The following TRPV3 variants were observed in gnomAD, a reference collection of about 807,000 sequenced individuals.
TRPV3 encodes VRL-3.
In TRPV3, 88 loss-of-function variants were observed where a neutral mutation model predicts 87.1. The ratio of observed to expected loss-of-function variants is 1.01; its 90% CI spans 0.85 to 1.21. The LOEUF is 1.21. Among genes scored for constraint, TRPV3 ranks in the 50% most tolerant of loss-of-function variants. TRPV3 has a pLI of 0.00. For missense variants in TRPV3, 1,054 were observed against 1,030.1 expected, an observed-to-expected ratio of 1.02 and a Z score of -0.32; for synonymous variants, 438 against 423.3, an observed-to-expected ratio of 1.03 and a Z score of -0.43.
intron 6 of TRPV3, among the ~76,000 whole-genome samples, chr17:3,537,120 TTTTG>T (rs1245532737): frequency 2.6e-5 from 4 of 152,284 alleles, no homozygotes; most frequent in Non-Finnish European, 4.4e-5. Flanking sequence ...GTTTTTGGTT[TTTTG>T]TTTGTTTGTT....
rs1437885805 is a variant in TRPV3 at position 3,542,520 on chromosome 17, A to ACCTT, written c.641_643+1dup. On this transcript the variant is annotated splice_donor_variant, in intron 6 of 17. Coordinates refer to ENST00000576742, the MANE Select transcript of TRPV3 (RefSeq NM_145068.4). LOFTEE classifies it high-confidence loss of function. ...TGCACAGCCCCTCTGCAGGCAGGAT[A>ACCTT]CCTTCATAGGCCTCCTCTGTGTACT... 6.2e-7 allele frequency: 1 copy of ACCTT among 1,612,800 alleles called. No homozygotes were observed. Among genetic ancestry groups the ACCTT allele is most frequent in the Non-Finnish European group, 8.5e-7 (1 of 1,179,338 alleles).
intron 13 of TRPV3, among the ~76,000 whole-genome samples, 189 bp from the exon 14 acceptor site, chr17:3,521,228 G>A (rs1344702892): frequency 6.7e-6 from 1 of 149,984 alleles, no homozygotes; most frequent in Non-Finnish European, 1.5e-5. Context: ...CCTCCAGGAA[G>A]CCTTCTGTTT....
At chr17:3,524,412 A>G in intron 12 of TRPV3, 49 bp from the exon 13 acceptor site, 1 of 1,603,666 alleles carries the variant, frequency 6.2e-7, no homozygotes, top group Non-Finnish European at 8.5e-7. Context: ...TCTCAGCATC[A>G]GGGCAAAGAT....
At chr17:3,526,529 G>A (rs1002118935) in intron 12 of TRPV3, among the ~76,000 whole-genome samples, 13 of 151,656 alleles carry the variant, frequency 8.6e-5, no homozygotes, top group Admixed American at 1.3e-4. Context: ...GCCTGTTGCC[G>A]CCTTCTCCAC....
At chr17:3,546,419 G>A (rs902043521) in intron 2 of TRPV3, among the ~76,000 whole-genome samples, 10 of 141,112 alleles carry the variant, frequency 7.1e-5, no homozygotes, top group African/African-American at 1.3e-4. Context: ...TCCAGTCTGG[G>A]CGACAGAGCG....
Position 3,530,997 on chromosome 17 carries a change from C to T in TRPV3, c.1066-794G>A, listed in dbSNP as rs2074344478. The stretch of plus-strand genomic sequence containing the variant: ...CTTGAACCTGGGAGGTGGAGGTTGC[C>T]GTGAGCCATGATTGCGCCACTGCAC... On this transcript the variant is annotated intron_variant, in intron 8 of 17. Coordinates refer to ENST00000576742, the MANE Select transcript of TRPV3 (RefSeq NM_145068.4). This position sits in a 1 kb window ranked among gnomAD's most constrained non-coding sequence, Gnocchi z 4.0. Among the ~76,000 whole-genome samples the T allele has an allele frequency of 6.6e-6, 1 of 151,304 alleles. No individual in the cohort carries two copies. The highest frequency in any genetic ancestry group is 2.1e-4 in the South Asian group (1 of 4,802).
chr17:3,533,066 T>A, intron 7 of TRPV3, 129 bp from the exon 8 acceptor site: 1 of 1,052,180 alleles, frequency 9.5e-7, no homozygotes, highest in South Asian at 1.6e-5. Context: ...CCTCTCCCCA[T>A]CTTCCGCTTC....
chr17:3,527,165 A>G (rs183838526), intron 11 of TRPV3, among the ~76,000 whole-genome samples: 3 of 151,734 alleles, frequency 2.0e-5, no homozygotes, highest in Admixed American at 2.0e-4. Flanking sequence ...CCCCATCCTC[A>G]CCCCAGAACC....
At chr17:3,514,067 CTTT>C in intron 17 of TRPV3, 56 bp from the exon 18 acceptor site, 4 of 1,418,150 alleles carry the variant, frequency 2.8e-6, no homozygotes, top group Non-Finnish European at 3.8e-6. Context: ...TAGTGTGTTT[CTTT>C]TTTCTTTTTC....
chr17:3,537,674 C>G (rs1052619777), intron 6 of TRPV3, among the ~76,000 whole-genome samples: 1 of 151,820 alleles, frequency 6.6e-6, no homozygotes, highest in East Asian at 1.9e-4. Flanking sequence ...GAAGCCGAGG[C>G]GGGTGGATCA....
chr17:3,513,898 C>G lies in TRPV3; in HGVS notation c.*19G>C. ...CAGCGCCAGACAGCGCACGCGCACA[C>G]CAGCTCTGGGTTCCGCTTCTACACC... is the stretch of plus-strand genomic sequence containing the variant. On this transcript the variant is annotated 3_prime_UTR_variant, in exon 18 of 18. Coordinates refer to ENST00000576742, the MANE Select transcript of TRPV3 (RefSeq NM_145068.4). 2 of 1,608,442 alleles carry G rather than the reference C, an allele frequency of 1.2e-6. No homozygotes were observed. The highest frequency in any genetic ancestry group is 1.7e-5 in the Admixed American group (1 of 59,906).
intron 16 of TRPV3, among the ~76,000 whole-genome samples, chr17:3,514,899 G>A (rs2074163288): frequency 6.6e-6 from 1 of 152,092 alleles, no homozygotes; most frequent in South Asian, 2.1e-4. Flanking sequence ...TTCCATTGTA[G>A]GGAACTCGGA....
chr17:3,517,388 C>T (rs1232045811), intron 15 of TRPV3, among the ~76,000 whole-genome samples: 1 of 151,930 alleles, frequency 6.6e-6, no homozygotes, highest in East Asian at 1.9e-4. Flanking sequence ...GAGGCTGAGG[C>T]GGGCGAATCG....
intron 1 of TRPV3, among the ~76,000 whole-genome samples, chr17:3,555,556 C>T (rs1232074847): frequency 6.6e-6 from 1 of 152,178 alleles, no homozygotes; most frequent in Non-Finnish European, 1.5e-5. Context: ...AGCTGAGTCC[C>T]CTTGCCCCAG....
chr17:3,521,860 G>A (rs1037355381), intron 13 of TRPV3, among the ~76,000 whole-genome samples: 1 of 152,192 alleles, frequency 6.6e-6, no homozygotes, highest in African/African-American at 2.4e-5. Flanking sequence ...TGGATCGCCT[G>A]AGGTCAGGAG....
At chr17:3,529,165 T>C (rs1263399035) in intron 9 of TRPV3, among the ~76,000 whole-genome samples, 170 bp from the exon 10 acceptor site, 1 of 151,910 alleles carries the variant, frequency 6.6e-6, no homozygotes, top group Non-Finnish European at 1.5e-5. Context: ...CTCCTGAGGC[T>C]CCTCCCCAGG....
Position 3,544,724 on chromosome 17 carries a change from A to C in TRPV3, c.225-59T>G, listed in dbSNP as rs925646492. 13 of 1,291,614 alleles carry C rather than the reference A, an allele frequency of 1.0e-5. No individual in the cohort carries two copies. In the Admixed American group the frequency reaches 1.6e-4, roughly 15 times the overall value. 80.0% of individuals were successfully genotyped at this position (1,291,614 alleles called of 1,614,324 possible). ...TTAAAGTTTTAAAATGGGCCGGGTG[A>C]GGTGGCTCATGCATGTAATCCCAGC... is the stretch of plus-strand genomic sequence containing the variant. On this transcript the variant is annotated intron_variant, in intron 3 of 17. Transcript: ENST00000576742.
Position 3,513,926 on chromosome 17 carries a change from G to C in TRPV3, c.2364C>G (p.Thr788=), listed in dbSNP as rs747807327. The C allele has an allele frequency of 3.7e-6, 6 of 1,614,068 alleles. No homozygotes were observed. The highest frequency in any genetic ancestry group is 5.1e-6 in the Non-Finnish European group (6 of 1,179,942). Residue 788 remains threonine (T), a synonymous_variant, in exon 18 of 18, where the codon ACC becomes ACG. Transcript: ENST00000576742. ...AFEEVEEFPE[T]SV ...GCTCTGGGTTCCGCTTCTACACCGA[G>C]GTTTCCGGGAATTCCTCGACTTCTT...
At chr17:3,537,245 C>T (rs1270671331) in intron 6 of TRPV3, among the ~76,000 whole-genome samples, 1 of 152,070 alleles carries the variant, frequency 6.6e-6, no homozygotes, top group Non-Finnish European at 1.5e-5. Flanking sequence ...CCTGTCTCAG[C>T]CCCCCAAAAG....
Sources: gnomAD v4.1 joint callset for allele counts (sites outside exome capture counted in the v4.1 genomes callset) on GRCh38, gnomAD v4.1.1 for gene constraint, Gnocchi (gnomAD v3.1) non-coding constraint, MANE v1.5 for transcripts, NCBI Gene and HGNC (gene_info 2026-07-23, HGNC 2026-07-21) for gene names.